The following KPNA4 variants were observed in gnomAD, a reference collection of about 807,000 sequenced individuals.
The protein encoded by KPNA4 is importin subunit alpha-3.
A neutral mutation model predicts 71.3 loss-of-function variants in KPNA4; 13 were observed. That is an observed-to-expected ratio of 0.18 (90% CI 0.12 to 0.29). KPNA4 has a LOEUF of 0.29. Ranked by LOEUF, KPNA4 falls within the 10% of genes least tolerant of loss-of-function variation. The probability of loss-of-function intolerance (pLI) is 1.00; values close to 1 mark genes in which losing one functional copy is unlikely to be tolerated. For missense variants in KPNA4, 334 were observed against 603.2 expected, an observed-to-expected ratio of 0.55 and a Z score of 4.67; for synonymous variants, 189 against 195.2, an observed-to-expected ratio of 0.97 and a Z score of 0.26.
At chr3:160,503,258 T>A (rs568483948) in intron 16 of KPNA4, among the ~76,000 whole-genome samples, 229 of 152,144 alleles carry the variant, frequency 1.5e-3, no homozygotes, top group Non-Finnish European at 2.7e-3. Context: ...TAGAGACAAA[T>A]GGTATTTGGG....
intron 15 of KPNA4, 101 bp from the exon 16 acceptor site, chr3:160,505,153 T>G: frequency 2.0e-6 from 1 of 501,900 alleles, no homozygotes; most frequent in Non-Finnish European, 3.2e-6. Flanking sequence ...GAATCGCAAA[T>G]TTTTTGAATT....
In KPNA4 at chr3:160,565,382, T is replaced by C; in HGVS notation, c.-100A>G. 1.0e-6 allele frequency: 1 copy of C among 959,250 alleles called. No individual in the cohort carries two copies. Among genetic ancestry groups the C allele is most frequent in the Non-Finnish European group, 1.6e-6 (1 of 635,790 alleles). 59.4% of individuals were successfully genotyped at this position (959,250 alleles called of 1,614,324 possible). On this transcript the variant is annotated 5_prime_UTR_variant, in exon 1 of 17. Coordinates refer to ENST00000334256, the MANE Select transcript of KPNA4 (RefSeq NM_002268.5). The stretch of plus-strand genomic sequence containing the variant: ...CCAGGAACCGGGCCGCCGCCTGAGC[T>C]GCTGTGCCCGCCGCGCCGCCGCTTC...
In KPNA4 at chr3:160,514,010, A is replaced by C. The variant is rs1235116526; in HGVS notation, c.1137+67T>G. On this transcript the variant is annotated intron_variant, in intron 13 of 16. Coordinates refer to ENST00000334256, the MANE Select transcript of KPNA4 (RefSeq NM_002268.5). Reference sequence around the variant, plus strand: ...TAAGCAGAAAGTATAAATTCACATAATGTCTCAGATTTAAATCCCCTTCCC... The same window carrying C: ...TAAGCAGAAAGTATAAATTCACATACTGTCTCAGATTTAAATCCCCTTCCC... The C allele has an allele frequency of 9.3e-6, 8 of 862,124 alleles. No individual in the cohort carries two copies. The East Asian group carries it at 2.1e-4, about 23-fold the overall frequency. The allele number at this position is 862,124 out of a possible 1,614,324, so 53.4% of individuals were successfully genotyped here. A position where few individuals can be genotyped will look rare whatever the true frequency, so the allele number is the denominator to read the frequency against.
intron 1 of KPNA4, among the ~76,000 whole-genome samples, chr3:160,557,132 T>C (rs1357448034): frequency 6.6e-6 from 1 of 152,182 alleles, no homozygotes. Context: ...AGGAGTGATG[T>C]TAACAATTAT....
At chr3:160,557,782 C>T (rs1722170775) in intron 1 of KPNA4, among the ~76,000 whole-genome samples, 2 of 152,208 alleles carry the variant, frequency 1.3e-5, no homozygotes, top group African/African-American at 4.8e-5. Flanking sequence ...TCAAGCGATC[C>T]TCCTGCCTCA....
At chr3:160,518,191 G>T (rs1721267404) in intron 11 of KPNA4, among the ~76,000 whole-genome samples, 1 of 150,616 alleles carries the variant, frequency 6.6e-6, no homozygotes, top group African/African-American at 2.4e-5. Context: ...GCAGTGGCGC[G>T]ATCTCGGCTC....
chr3:160,557,185 G>C (rs1390243697), intron 1 of KPNA4, among the ~76,000 whole-genome samples: 1 of 152,124 alleles, frequency 6.6e-6, no homozygotes, highest in Admixed American at 6.5e-5. Context: ...TTCTGGACCA[G>C]TAACAGCTTA....
At chr3:160,509,660 G>C in intron 14 of KPNA4, 140 bp downstream of exon 14, 1 of 656,904 alleles carries the variant, frequency 1.5e-6, no homozygotes, top group Non-Finnish European at 2.7e-6. Flanking sequence ...ACAAAACCCT[G>C]GCCTCGGGTG....
intron 1 of KPNA4, among the ~76,000 whole-genome samples, chr3:160,551,815 A>G (rs1722044743): frequency 6.6e-6 from 1 of 152,106 alleles, no homozygotes; most frequent in Non-Finnish European, 1.5e-5. Flanking sequence ...TGAGAAGTGA[A>G]AACAGCAATG....
intron 1 of KPNA4, chr3:160,564,441 T>G (rs1423377105): frequency 6.6e-6 from 1 of 152,118 alleles, no homozygotes; most frequent in Non-Finnish European, 1.5e-5. Flanking sequence ...ATGCAGCTGG[T>G]GGTCTCCTCT....
chr3:160,535,667 A>G lies in KPNA4; in HGVS notation c.228T>C (p.Ile76=), dbSNP rs201183488. The change falls in exon 4 of 17, where the codon ATT becomes ATC. Residue 76 remains isoleucine (I), a synonymous_variant. Coordinates refer to ENST00000334256, the MANE Select transcript of KPNA4 (RefSeq NM_002268.5). ...GGGAAAAAATCCAACTTACTTGAAC[A>G]ATAGCTTCTAGAGAGGTATTTTGCT... ...YRVQNTSLEA[I]VQNASSDNQG... The G allele has an allele frequency of 8.2e-6, 13 of 1,588,616 alleles. No homozygotes were observed. The highest frequency in any genetic ancestry group is 1.1e-5 in the Non-Finnish European group (13 of 1,172,736).
chr3:160,559,316 G>A (rs986660470), intron 1 of KPNA4, among the ~76,000 whole-genome samples: 2 of 152,136 alleles, frequency 1.3e-5, no homozygotes, highest in African/African-American at 4.8e-5. Context: ...GAGAAAGTTA[G>A]AATTTTAGAA....
intron 1 of KPNA4, among the ~76,000 whole-genome samples, chr3:160,549,311 G>T (rs945651397): frequency 6.6e-6 from 1 of 152,012 alleles, no homozygotes; most frequent in South Asian, 2.1e-4. Context: ...GTCTATTTTT[G>T]CTTTTATAGC....
At chr3:160,519,789 G>A (rs1327146488) in intron 11 of KPNA4, among the ~76,000 whole-genome samples, 4 of 113,122 alleles carry the variant, frequency 3.5e-5, no homozygotes, top group African/African-American at 1.4e-4. Flanking sequence ...GCGACAGAGC[G>A]AGACTCCGTC....
chr3:160,522,163 C>T (rs1721361357), intron 10 of KPNA4, among the ~76,000 whole-genome samples: 1 of 152,182 alleles, frequency 6.6e-6, no homozygotes. Flanking sequence ...CACTAAGATA[C>T]ACACGCACAC....
chr3:160,528,069 G>A, intron 7 of KPNA4, 30 bp from the exon 8 acceptor site: 3 of 1,541,520 alleles, frequency 1.9e-6, no homozygotes, highest in Non-Finnish European at 2.7e-6. Flanking sequence ...CAATACTTAA[G>A]GTTGAAGATA....
chr3:160,565,567 G>C lies in KPNA4; in HGVS notation c.-285C>G. Reference sequence around the variant, plus strand: ...CCGGCTGAGAGGGGGAGGCAGCCTCGATCTGAGGGCCCCGGCGCTGCGGCC... The same window carrying C: ...CCGGCTGAGAGGGGGAGGCAGCCTCCATCTGAGGGCCCCGGCGCTGCGGCC... On this transcript the variant is annotated 5_prime_UTR_variant, in exon 1 of 17. In the 5' UTR this introduces an upstream ATG that the reference lacks. Coordinates refer to ENST00000334256, the MANE Select transcript of KPNA4 (RefSeq NM_002268.5). The C allele has an allele frequency of 1.9e-6, 1 of 516,912 alleles. No individual in the cohort carries two copies. Among genetic ancestry groups the C allele is most frequent in the Non-Finnish European group, 3.4e-6 (1 of 295,708 alleles). The allele number at this position is 516,912 out of a possible 1,614,324, so 32.0% of individuals were successfully genotyped here.
chr3:160,513,200 AG>A (rs1486463603), intron 13 of KPNA4, among the ~76,000 whole-genome samples: 1 of 151,228 alleles, frequency 6.6e-6, no homozygotes, highest in East Asian at 1.9e-4. Context: ...CTTTAATTAC[AG>A]ATCAGTGTTC....
chr3:160,516,243 T>C (rs1457400408), intron 11 of KPNA4, among the ~76,000 whole-genome samples: 1 of 151,986 alleles, frequency 6.6e-6, no homozygotes, highest in Non-Finnish European at 1.5e-5. Flanking sequence ...CTGCCTGCCT[T>C]GGCTTCCCAA....
Sources: allele counts gnomAD v4.1 joint callset (sites outside exome capture counted in the v4.1 genomes callset), GRCh38; gene constraint gnomAD v4.1.1; transcripts MANE v1.5; gene names NCBI Gene and HGNC (gene_info 2026-07-23, HGNC 2026-07-21).